Variants in SZRD1 observed in about 807,000 individuals in gnomAD.
SZRD1 encodes the protein SUZ RNA-binding domain-containing.
A neutral mutation model predicts 17.6 loss-of-function variants in SZRD1; 7 were observed. The ratio of observed to expected loss-of-function variants is 0.40; its 90% CI spans 0.23 to 0.75. SZRD1 has a LOEUF of 0.75. SZRD1 is among the 30% of genes least tolerant of loss of function. The pLI, the probability that SZRD1 is intolerant of heterozygous loss-of-function variation, is 0.38. For synonymous variants in SZRD1, 77 were observed against 77.9 expected, an observed-to-expected ratio of 0.99 and a Z score of 0.06; for missense variants, 178 against 201.8, an observed-to-expected ratio of 0.88 and a Z score of 0.71.
Position 16,397,811 on chromosome 1 carries a change from A to AGCCCT in SZRD1, c.*2681_*2685dup, listed in dbSNP as rs934496883. The AGCCCT allele has an allele frequency of 2.2e-5, 4 of 184,868 alleles. No individual in the cohort carries two copies. The highest frequency in any genetic ancestry group is 1.3e-4 in the Admixed American group (2 of 15,318). 11.5% of individuals were successfully genotyped at this position (184,868 alleles called of 1,614,324 possible). On this transcript the variant is annotated 3_prime_UTR_variant, in exon 4 of 4. Transcript: ENST00000401088. This position sits in a 1 kb window ranked among gnomAD's most constrained non-coding sequence, Gnocchi z 5.4. ...CTTCCAGAGCCCATCTGCCCCGCCCAGCCCTGCCCTGCCCAGCCATACCCT... is the reference window on the plus strand; with the variant it reads ...CTTCCAGAGCCCATCTGCCCCGCCCAGCCCTGCCCTGCCCTGCCCAGCCATACCCT...
intron 1 of SZRD1, chr1:16,369,606 C>T (rs942982097): frequency 3.5e-5 from 21 of 600,268 alleles, no homozygotes; most frequent in African/African-American, 2.2e-4. Context: ...AAATGTACCG[C>T]GGCCAGGTGC....
At chr1:16,374,832 A>C (rs1285192274) in intron 1 of SZRD1, among the ~76,000 whole-genome samples, 1 of 152,046 alleles carries the variant, frequency 6.6e-6, no homozygotes, top group African/African-American at 2.4e-5. Context: ...AAAATAAAAA[A>C]ATTTTAATGT....
intron 1 of SZRD1, among the ~76,000 whole-genome samples, chr1:16,373,835 A>T (rs1028254768): frequency 1.3e-5 from 2 of 151,994 alleles, no homozygotes; most frequent in African/African-American, 4.8e-5. Context: ...ATGCCTGAAC[A>T]TAAGTGATCC....
rs1314542556 is a variant in SZRD1, at chr1:16,391,833, C to CT, written c.101+410dup. 6.6e-6 allele frequency among the ~76,000 whole-genome samples: 1 copy of CT among 151,970 alleles called. No homozygotes were observed. Among genetic ancestry groups the CT allele is most frequent in the Non-Finnish European group, 1.5e-5 (1 of 68,002 alleles). On this transcript the variant is annotated intron_variant, in intron 2 of 3. Transcript: ENST00000401088. The surrounding 1 kb of genome is among the most constrained non-coding windows in gnomAD (Gnocchi z 4.3). ...TCTGGGTCCCCAGTGACTTGGTGGT[C>CT]TAGGGTATTATGAGGGTATCCTGGA...
chr1:16,393,447 C>T lies in SZRD1; in HGVS notation c.321C>T (p.Ser107=). The T allele has an allele frequency of 1.2e-6, 2 of 1,613,762 alleles. No homozygotes were observed. The highest frequency in any genetic ancestry group is 2.2e-5 in the South Asian group (2 of 91,052). The change falls in exon 3 of 4, where the codon AGC becomes AGT. Residue 107 remains serine (S), a synonymous_variant. Coordinates refer to ENST00000401088, the MANE Select transcript of SZRD1 (RefSeq NM_001114600.3). The surrounding 1 kb of genome is among the most constrained non-coding windows in gnomAD (Gnocchi z 5.6). ...GGAAGCGGATCCTGGGCAGCGCCAG[C>T]CCCGAGGAGGAGCAGGAGAAACCCA... The part of the protein sequence containing the change: ...EARKRILGSA[S]PEEEQEKPIL...
At chr1:16,388,188 A>C (rs187347153) in intron 1 of SZRD1, among the ~76,000 whole-genome samples, 1,879 of 152,268 alleles carry the variant, frequency 0.012, 24 homozygotes, top group Non-Finnish European at 0.019. Context: ...ATCTCGGCTC[A>C]CTGCAACCTC....
chr1:16,381,336 A>G (rs1335129126), intron 1 of SZRD1, among the ~76,000 whole-genome samples: 5 of 152,092 alleles, frequency 3.3e-5, no homozygotes, highest in African/African-American at 1.2e-4. Context: ...AGGTGGGTGG[A>G]TCACTTGAAG....
chr1:16,373,591 A>C (rs996765126), intron 1 of SZRD1, among the ~76,000 whole-genome samples: 67 of 151,906 alleles, frequency 4.4e-4, no homozygotes, highest in Non-Finnish European at 6.6e-4. Context: ...AAAAAAAAAA[A>C]AAAACAAAAC....
intron 1 of SZRD1, among the ~76,000 whole-genome samples, chr1:16,369,972 A>G (rs2082885421): frequency 6.6e-6 from 1 of 151,796 alleles, no homozygotes. Context: ...GCCAAAATGC[A>G]GGTTCTCTAA....
In SZRD1 at chr1:16,395,319, C is replaced by T. The variant is rs529209106; in HGVS notation, c.*179C>T. ...CTTGAACCCCATGCACTGTGACCTC[C>T]CCCCTTCTCCCCCTTCCCACTGTGA... On this transcript the variant is annotated 3_prime_UTR_variant, in exon 4 of 4. Coordinates refer to ENST00000401088, the MANE Select transcript of SZRD1 (RefSeq NM_001114600.3). The T allele has an allele frequency of 3.1e-6, 2 of 636,874 alleles. No individual in the cohort carries two copies. Among genetic ancestry groups the T allele is most frequent in the East Asian group, 2.8e-5 (1 of 35,452 alleles). 39.5% of individuals were successfully genotyped at this position (636,874 alleles called of 1,614,324 possible). A position where few individuals can be genotyped will look rare whatever the true frequency, so the allele number is the denominator to read the frequency against.
chr1:16,393,199 T>C lies in SZRD1; in HGVS notation c.102-29T>C. On this transcript the variant is annotated intron_variant, in intron 2 of 3. Coordinates refer to ENST00000401088, the MANE Select transcript of SZRD1 (RefSeq NM_001114600.3). The surrounding 1 kb of genome is among the most constrained non-coding windows in gnomAD (Gnocchi z 5.6). ...AGGGCCTCCTTAGTCAGGAGCATGA[T>C]TTGTGAAGCTGTGTTTGCTCTTTGT... 6.2e-7 allele frequency: 1 copy of C among 1,608,980 alleles called. No individual in the cohort carries two copies. The highest frequency in any genetic ancestry group is 8.5e-7 in the Non-Finnish European group (1 of 1,176,142).
intron 1 of SZRD1, among the ~76,000 whole-genome samples, chr1:16,389,325 C>T (rs113335897): frequency 0.034 from 5,175 of 151,410 alleles, 111 homozygotes; most frequent in South Asian, 0.053. Flanking sequence ...AGTGCAGTGG[C>T]GCCATCTCGG....
rs925225270 is a variant in SZRD1, at chr1:16,392,570, G to A, written c.102-658G>A. ...GAGCATCCTTCACTCCAGCCCCGCC[G>A]CTGTCCAAAAGACCAGGGAGCCCTG... On this transcript the variant is annotated intron_variant, in intron 2 of 3. Transcript: ENST00000401088. Among the ~76,000 whole-genome samples the A allele has an allele frequency of 2.0e-5, 3 of 152,186 alleles. 1 individual carries two copies. The highest frequency in any genetic ancestry group is 4.1e-4 in the South Asian group (2 of 4,828).
intron 1 of SZRD1, among the ~76,000 whole-genome samples, chr1:16,375,688 C>T (rs925750509): frequency 4.6e-5 from 7 of 152,148 alleles, no homozygotes; most frequent in Admixed American, 2.0e-4. Context: ...CTCCCCCCAA[C>T]AAACTCGTTC....
Position 16,393,195 on chromosome 1 carries a change from A to T in SZRD1, c.102-33A>T. ...GGACAGGGCCTCCTTAGTCAGGAGC[A>T]TGATTTGTGAAGCTGTGTTTGCTCT... On this transcript the variant is annotated intron_variant, in intron 2 of 3. Coordinates refer to ENST00000401088, the MANE Select transcript of SZRD1 (RefSeq NM_001114600.3). This position sits in a 1 kb window ranked among gnomAD's most constrained non-coding sequence, Gnocchi z 5.6. 1 of 1,608,490 alleles carries T rather than the reference A, an allele frequency of 6.2e-7. No homozygotes were observed. Among genetic ancestry groups the T allele is most frequent in the South Asian group, 1.1e-5 (1 of 90,668 alleles).
At chr1:16,390,213 C>G (rs1035492778) in intron 1 of SZRD1, among the ~76,000 whole-genome samples, 1 of 152,228 alleles carries the variant, frequency 6.6e-6, no homozygotes, top group Non-Finnish European at 1.5e-5. Flanking sequence ...GTAGGGCAGC[C>G]AAGCAGCCTG....
chr1:16,373,004 A>C (rs931768024), intron 1 of SZRD1, among the ~76,000 whole-genome samples: 2 of 152,024 alleles, frequency 1.3e-5, no homozygotes, highest in African/African-American at 4.8e-5. Flanking sequence ...TGGGAGAGGC[A>C]GGTAGAGTGT....
In SZRD1 at chr1:16,393,110, A is replaced by C; in HGVS notation, c.102-118A>C. 4.4e-6 allele frequency: 6 copies of C among 1,359,530 alleles called. No individual in the cohort carries two copies. Among genetic ancestry groups the C allele is most frequent in the Non-Finnish European group, 6.1e-6 (6 of 977,342 alleles). The allele number at this position is 1,359,530 out of a possible 1,614,324, so 84.2% of individuals were successfully genotyped here. The stretch of plus-strand genomic sequence containing the variant: ...TTGCTGTCTGGTCAGAGGCCAGAGA[A>C]TCATGCATGGGTAGAATTAGGGAGG... On this transcript the variant is annotated intron_variant, in intron 2 of 3. Transcript: ENST00000401088. The surrounding 1 kb of genome is among the most constrained non-coding windows in gnomAD (Gnocchi z 5.6).
intron 1 of SZRD1, among the ~76,000 whole-genome samples, chr1:16,371,619 G>A (rs1479578570): frequency 4.6e-5 from 7 of 151,668 alleles, no homozygotes; most frequent in African/African-American, 1.5e-4. Flanking sequence ...CCACCACCAC[G>A]CCTGGCTAAT....
Sources: gnomAD v4.1 joint callset for allele counts (sites outside exome capture counted in the v4.1 genomes callset) on GRCh38, gnomAD v4.1.1 for gene constraint, Gnocchi (gnomAD v3.1) non-coding constraint, MANE v1.5 for transcripts, NCBI Gene and HGNC (gene_info 2026-07-23, HGNC 2026-07-21) for gene names.